The following CACNA1B variants were observed in gnomAD, a reference collection of about 807,000 sequenced individuals.
The protein encoded by CACNA1B is calcium voltage-gated channel subunit alpha1 B, also known as voltage-dependent N-type calcium channel subunit alpha-1B.
CACNA1B carries 70 observed loss-of-function variants against 247.2 expected under a neutral mutation model. That is an observed-to-expected ratio of 0.28 (90% CI 0.23 to 0.35). CACNA1B has a LOEUF of 0.35. Ranked by LOEUF, CACNA1B falls within the 10% of genes least tolerant of loss-of-function variation. The pLI, the probability that CACNA1B is intolerant of heterozygous loss-of-function variation, is 1.00. For missense variants in CACNA1B, 2,367 were observed against 3,197.4 expected, an observed-to-expected ratio of 0.74 and a Z score of 6.26; for synonymous variants, 1,231 against 1,294.4, an observed-to-expected ratio of 0.95 and a Z score of 1.05.
chr9:138,069,352 C>G (rs971098696), intron 31 of CACNA1B, among the ~76,000 whole-genome samples: 2 of 152,126 alleles, frequency 1.3e-5, no homozygotes, highest in African/African-American at 4.8e-5. Flanking sequence ...ACATTGATTT[C>G]TTTGCCTGGA....
At chr9:138,087,456 C>A (rs1960734018) in intron 36 of CACNA1B, among the ~76,000 whole-genome samples, 1 of 148,458 alleles carries the variant, frequency 6.7e-6, no homozygotes, top group Non-Finnish European at 1.5e-5. Flanking sequence ...GTGGCTCACG[C>A]CTGTAGTCCC....
At position 138,048,657 on chromosome 9, in the gene CACNA1B, A is replaced by G. The variant is rs74802746; in HGVS notation, c.3604-552A>G. The stretch of plus-strand genomic sequence containing the variant: ...GAGCCTTCCATGGGGACCTAGAGCT[A>G]TATTCCTCCCCCATGACTCTGGAAC... On this transcript the variant is annotated intron_variant, in intron 23 of 46. Coordinates refer to ENST00000371372, the MANE Select transcript of CACNA1B (RefSeq NM_000718.4). Among the ~76,000 whole-genome samples the G allele has an allele frequency of 3.9e-3, 599 of 152,294 alleles. 4 individuals carry two copies. The highest frequency in any genetic ancestry group is 0.014 in the African/African-American group (563 of 41,568).
At chr9:138,023,854 C>G in intron 19 of CACNA1B, 43 bp downstream of exon 19, 8 of 960,962 alleles carry the variant, frequency 8.3e-6, no homozygotes, top group Non-Finnish European at 1.3e-5. Context: ...AAGGGTTGGC[C>G]GGGGCGGCGC....
chr9:138,114,598 A>G, intron 41 of CACNA1B, 108 bp downstream of exon 41: 1 of 627,510 alleles, frequency 1.6e-6, no homozygotes. Context: ...TGGAAAAAGT[A>G]TCTCAGAAGG....
In CACNA1B at chr9:137,882,730, T is replaced by C; in HGVS notation, c.391-14T>C. 3.7e-6 allele frequency: 6 copies of C among 1,613,840 alleles called. No homozygotes were observed. The highest frequency in any genetic ancestry group is 5.1e-6 in the Non-Finnish European group (6 of 1,179,780). On this transcript the variant is annotated splice_polypyrimidine_tract_variant and intron_variant, in intron 2 of 46. Coordinates refer to ENST00000371372, the MANE Select transcript of CACNA1B (RefSeq NM_000718.4). The surrounding 1 kb of genome is among the most constrained non-coding windows in gnomAD (Gnocchi z 4.0). ...TAGGGGCCAGGGGTGACCACTGTTC[T>C]GCGCTTCTCCTAGGACGACACGGAG... is the stretch of plus-strand genomic sequence containing the variant.
chr9:138,110,959 A>G lies in CACNA1B; in HGVS notation c.5429-1439A>G, dbSNP rs114101664. 7.5e-3 allele frequency among the ~76,000 whole-genome samples: 1,127 copies of G among 151,044 alleles called. 19 individuals carry two copies. The highest frequency in any genetic ancestry group is 0.026 in the African/African-American group (1,066 of 41,386). ...GCAAAAATGCTTGATGTCATTAATC[A>G]TTAGACAAATCCAGAATTTAAAAAA... On this transcript the variant is annotated intron_variant, in intron 39 of 46. Coordinates refer to ENST00000371372, the MANE Select transcript of CACNA1B (RefSeq NM_000718.4).
chr9:137,975,144 A>G (rs963568804), intron 11 of CACNA1B, among the ~76,000 whole-genome samples: 19 of 152,118 alleles, frequency 1.2e-4, no homozygotes, highest in Admixed American at 2.0e-4. Context: ...TTCCCAGCAC[A>G]GCCCTCTAGC....
At chr9:137,892,174 C>T (rs748128744) in intron 3 of CACNA1B, 14 of 456,764 alleles carry the variant, frequency 3.1e-5, no homozygotes, top group South Asian at 2.0e-4. Flanking sequence ...CGACTGGACA[C>T]TGGTCTGCTG....
intron 3 of CACNA1B, among the ~76,000 whole-genome samples, chr9:137,910,730 C>T (rs185656853): frequency 1.3e-5 from 2 of 152,170 alleles, no homozygotes; most frequent in East Asian, 1.9e-4. Context: ...ATACCACCGC[C>T]GATCTGACAG....
chr9:137,962,652 C>T (rs1958033168), intron 10 of CACNA1B, among the ~76,000 whole-genome samples: 1 of 152,148 alleles, frequency 6.6e-6, no homozygotes, highest in South Asian at 2.1e-4. Context: ...ACCCAAAATT[C>T]ATTCAGGAGC....
intron 36 of CACNA1B, among the ~76,000 whole-genome samples, chr9:138,094,633 A>G (rs1227100870): frequency 2.6e-5 from 4 of 152,166 alleles, no homozygotes; most frequent in Non-Finnish European, 4.4e-5. Context: ...AAGATCATCA[A>G]CAAAAATACT....
chr9:137,904,951 T>C (rs1176331727), intron 3 of CACNA1B, among the ~76,000 whole-genome samples: 1 of 152,226 alleles, frequency 6.6e-6, no homozygotes, highest in Non-Finnish European at 1.5e-5. Flanking sequence ...GTGGGTTTGT[T>C]AGTACTCTTG....
chr9:138,043,746 C>G (rs752266593), intron 20 of CACNA1B, 28 bp from the exon 21 acceptor site: 1 of 1,613,668 alleles, frequency 6.2e-7, no homozygotes, highest in South Asian at 1.1e-5. Context: ...CACTACACCC[C>G]TTACTCGGGG....
intron 15 of CACNA1B, among the ~76,000 whole-genome samples, chr9:137,995,863 G>T: frequency 6.6e-6 from 1 of 152,128 alleles, no homozygotes; most frequent in East Asian, 1.9e-4. Flanking sequence ...GAGGGCTAAG[G>T]ACATGAATAG....
At position 138,025,112 on chromosome 9, in the gene CACNA1B, A is replaced by G. The variant is rs571591487; in HGVS notation, c.3226A>G (p.Thr1076Ala). The G allele has an allele frequency of 4.3e-6, 7 of 1,613,452 alleles. No homozygotes were observed. Among genetic ancestry groups the G allele is most frequent in the African/African-American group, 4.0e-5 (3 of 75,022 alleles). ...RMGSQPPDPN[T>A]IVHIPVMLTG... ...GGGCAGTCAGCCCCCAGACCCGAAC[A>G]CTATTGTACATATCCCAGTGATGCT... The change falls in exon 20 of 47, where the codon ACT becomes GCT. Residue 1076 changes from threonine to alanine, a missense_variant. By Grantham distance (58) the Thr-to-Ala change is moderately conservative. Transcript: ENST00000371372.
Position 137,955,028 on chromosome 9 carries a change from A to AC in CACNA1B, c.1071-669dup, listed in dbSNP as rs538852005. ...CAAGTGTTCTCTGCTGGTCACCATG[A>AC]CGGCTGTGAAGGCTCAGGCGGGGCT... is the stretch of plus-strand genomic sequence containing the variant. On this transcript the variant is annotated intron_variant, in intron 7 of 46. Transcript: ENST00000371372. This position sits in a 1 kb window ranked among gnomAD's most constrained non-coding sequence, Gnocchi z 6.9. 4.8e-4 allele frequency among the ~76,000 whole-genome samples: 73 copies of AC among 151,910 alleles called. 1 individual carries two copies. The highest frequency in any genetic ancestry group is 1.8e-3 in the African/African-American group (73 of 41,432).
intron 10 of CACNA1B, among the ~76,000 whole-genome samples, chr9:137,960,752 C>G (rs1272207029): frequency 6.6e-6 from 1 of 152,064 alleles, no homozygotes; most frequent in East Asian, 1.9e-4. Flanking sequence ...CAACCGGGAC[C>G]CCAGGCCGCC....
intron 3 of CACNA1B, chr9:137,890,808 G>A (rs56134014): frequency 6.7e-6 from 1 of 150,326 alleles, no homozygotes; most frequent in Non-Finnish European, 1.5e-5. Flanking sequence ...GTGAGCGGCA[G>A]AGCTGGAGGC....
chr9:137,899,272 TA>T lies in CACNA1B; in HGVS notation c.531-13907del, dbSNP rs940835317. ...AGGCTAATTTTTGTATTTTTTTTTT[TA>T]GTAGAGGTGGGGTTTCACCATGTTG... On this transcript the variant is annotated intron_variant, in intron 3 of 46. Coordinates refer to ENST00000371372, the MANE Select transcript of CACNA1B (RefSeq NM_000718.4). This position sits in a 1 kb window ranked among gnomAD's most constrained non-coding sequence, Gnocchi z 5.0. Among the ~76,000 whole-genome samples, 2 of 151,834 alleles carry T rather than the reference TA, an allele frequency of 1.3e-5. No homozygotes were observed. The highest frequency in any genetic ancestry group is 4.8e-5 in the African/African-American group (2 of 41,308).
Sources: gnomAD v4.1 joint callset for allele counts (sites outside exome capture counted in the v4.1 genomes callset) on GRCh38, gnomAD v4.1.1 for gene constraint, Gnocchi (gnomAD v3.1) non-coding constraint, MANE v1.5 for transcripts, NCBI Gene and HGNC (gene_info 2026-07-23, HGNC 2026-07-21) for gene names.